Variants in SH3BP4 observed in about 807,000 individuals in gnomAD.
SH3BP4 encodes the protein SH3 domain-binding protein 4.
In SH3BP4, 33 loss-of-function variants were observed where a neutral mutation model predicts 65.5. The ratio of observed to expected loss-of-function variants is 0.50; its 90% CI spans 0.38 to 0.67. The LOEUF is 0.67. Among genes scored for constraint, SH3BP4 ranks in the 30% least tolerant of loss-of-function variants. SH3BP4 has a pLI of 0.00. For synonymous variants in SH3BP4, 552 were observed against 545.5 expected, an observed-to-expected ratio of 1.01 and a Z score of -0.17; for missense variants, 1,134 against 1,261.4, an observed-to-expected ratio of 0.90 and a Z score of 1.53.
intron 2 of SH3BP4, among the ~76,000 whole-genome samples, chr2:235,005,789 C>G (rs1261236273): frequency 6.6e-6 from 1 of 152,172 alleles, no homozygotes; most frequent in Non-Finnish European, 1.5e-5. Flanking sequence ...GGGGGCAGAA[C>G]GAGAGGAGAG....
chr2:235,008,369 G>C (rs1261621188), intron 2 of SH3BP4, among the ~76,000 whole-genome samples: 2 of 152,182 alleles, frequency 1.3e-5, no homozygotes, highest in African/African-American at 4.8e-5. Flanking sequence ...GCAGGGCCCA[G>C]GAGGGCCAGA....
chr2:235,012,669 G>A (rs914970146), intron 2 of SH3BP4, among the ~76,000 whole-genome samples: 21 of 152,326 alleles, frequency 1.4e-4, no homozygotes, highest in Non-Finnish European at 1.5e-5. Flanking sequence ...AACAGCTCTT[G>A]CTATCACCCA....
At chr2:234,999,273 T>G (rs2106280675) in intron 2 of SH3BP4, among the ~76,000 whole-genome samples, 1 of 152,306 alleles carries the variant, frequency 6.6e-6, no homozygotes, top group East Asian at 1.9e-4. Context: ...ATGTTGTGAG[T>G]TCACAGGAGG....
Position 235,041,987 on chromosome 2 carries a change from T to C in SH3BP4, c.1218T>C (p.Phe406=), listed in dbSNP as rs374010802. Residue 406 remains phenylalanine (F), a synonymous_variant, in exon 4 of 6, where the codon TTT becomes TTC. Transcript: ENST00000392011. The surrounding 1 kb of genome is among the most constrained non-coding windows in gnomAD (Gnocchi z 6.0). The part of the protein sequence containing the change: ...KVSAEIKNDL[F]SKSTVGLQCL... ...CAGCCGAGATAAAAAATGACCTTTT[T>C]AGCAAAAGCACAGTGGGCCTCCAGT... 54 of 1,613,160 alleles carry C rather than the reference T, an allele frequency of 3.3e-5. No homozygotes were observed. Among genetic ancestry groups the C allele is most frequent in the Non-Finnish European group, 4.4e-5 (52 of 1,179,398 alleles).
chr2:234,971,188 A>G (rs1300893206), intron 1 of SH3BP4, among the ~76,000 whole-genome samples: 3 of 152,138 alleles, frequency 2.0e-5, no homozygotes, highest in Non-Finnish European at 2.9e-5. Context: ...GGCACCCACC[A>G]TTCCACTTTC....
chr2:235,046,075 A>G lies in SH3BP4; in HGVS notation c.2478+2828A>G, dbSNP rs1574849540. Reference sequence around the variant, plus strand: ...CCCTGGGGGCCACTGTGCTCTGTGCACCCCTGCCCTGAACACACCCAGCTC... The same window carrying G: ...CCCTGGGGGCCACTGTGCTCTGTGCGCCCCTGCCCTGAACACACCCAGCTC... On this transcript the variant is annotated intron_variant, in intron 4 of 5. Coordinates refer to ENST00000392011, the MANE Select transcript of SH3BP4 (RefSeq NM_014521.3). This position sits in a 1 kb window ranked among gnomAD's most constrained non-coding sequence, Gnocchi z 4.2. Among the ~76,000 whole-genome samples, 1 of 151,804 alleles carries G rather than the reference A, an allele frequency of 6.6e-6. No homozygotes were observed. The highest frequency in any genetic ancestry group is 6.6e-5 in the Admixed American group (1 of 15,240).
Position 234,977,344 on chromosome 2 carries a change from G to A in SH3BP4, c.-206-17959G>A, listed in dbSNP as rs931953428. Among the ~76,000 whole-genome samples, 11 of 152,156 alleles carry A rather than the reference G, an allele frequency of 7.2e-5. No homozygotes were observed. The highest frequency in any genetic ancestry group is 2.4e-4 in the African/African-American group (10 of 41,430). The stretch of plus-strand genomic sequence containing the variant: ...TGGGCCCAGGCCTCCCAGTTGGGCC[G>A]AGGCCCATCTCTTTTCCCAACAGCA... On this transcript the variant is annotated intron_variant, in intron 1 of 5. Coordinates refer to ENST00000392011, the MANE Select transcript of SH3BP4 (RefSeq NM_014521.3). This position sits in a 1 kb window ranked among gnomAD's most constrained non-coding sequence, Gnocchi z 5.1.
intron 1 of SH3BP4, among the ~76,000 whole-genome samples, chr2:234,980,664 C>CCCACAGCAGCCTTCAGGTTCG (rs1450365142): frequency 6.6e-6 from 1 of 152,234 alleles, no homozygotes; most frequent in East Asian, 1.9e-4. Flanking sequence ...AGCTCCACTT[C>CCCACAGCAGCCTTCAGGTTCG]CCACAGCAGC....
chr2:234,971,192 C>T (rs1692989871), intron 1 of SH3BP4, among the ~76,000 whole-genome samples: 1 of 152,140 alleles, frequency 6.6e-6, no homozygotes, highest in African/African-American at 2.4e-5. Context: ...CCCACCATTC[C>T]ACTTTCTGTT....
chr2:235,001,050 G>T (rs1381622033), intron 2 of SH3BP4, among the ~76,000 whole-genome samples: 1 of 152,244 alleles, frequency 6.6e-6, no homozygotes, highest in Non-Finnish European at 1.5e-5. Context: ...TCTGAGCTGG[G>T]ACGTACAACC....
At chr2:234,975,487 C>A (rs1384375888) in intron 1 of SH3BP4, among the ~76,000 whole-genome samples, 1 of 152,192 alleles carries the variant, frequency 6.6e-6, no homozygotes, top group Non-Finnish European at 1.5e-5. Context: ...AGAATCCTAC[C>A]TGCAAGACAA....
chr2:235,006,330 G>T (rs1694293623), intron 2 of SH3BP4, among the ~76,000 whole-genome samples: 1 of 152,196 alleles, frequency 6.6e-6, no homozygotes, highest in Admixed American at 6.5e-5. Flanking sequence ...TGCTGCCCCA[G>T]GGGGTATCAT....
chr2:235,021,064 G>T (rs1694834043), intron 2 of SH3BP4, among the ~76,000 whole-genome samples: 2 of 152,108 alleles, frequency 1.3e-5, no homozygotes, highest in Non-Finnish European at 2.9e-5. Context: ...CTGAGTCTTT[G>T]TGACAGAGAA....
intron 4 of SH3BP4, among the ~76,000 whole-genome samples, chr2:235,047,749 C>T (rs1695915206): frequency 6.6e-6 from 1 of 152,154 alleles, no homozygotes; most frequent in African/African-American, 2.4e-5. Context: ...GGTCCTGGAT[C>T]CACCATAAGA....
Position 235,041,808 on chromosome 2 carries a change from G to T in SH3BP4, c.1039G>T (p.Ala347Ser). The T allele has an allele frequency of 6.3e-7, 1 of 1,593,354 alleles. No individual in the cohort carries two copies. Among genetic ancestry groups the T allele is most frequent in the Non-Finnish European group, 8.6e-7 (1 of 1,168,272 alleles). Residue 347 changes from alanine to serine, a missense_variant, in exon 4 of 6, where the codon GCC becomes TCC. Coordinates refer to ENST00000392011, the MANE Select transcript of SH3BP4 (RefSeq NM_014521.3). The surrounding 1 kb of genome is among the most constrained non-coding windows in gnomAD (Gnocchi z 6.0). ...CATCCACGTGCCCGAGGGCCACGTC[G>T]CCCCTGGGGAGACCCAGCAGATCTC... ...ISIHVPEGHVAPGETQQISMK... is the reference protein window; with the variant it reads ...ISIHVPEGHVSPGETQQISMK...
chr2:235,033,640 G>T lies in SH3BP4; in HGVS notation c.-132-1231G>T, dbSNP rs1206594450. ...GGTGACAGTGGCTGAGACTTGGCAG[G>T]GTTAAATATTGAACACAAGATGGTC... On this transcript the variant is annotated intron_variant, in intron 2 of 5. Transcript: ENST00000392011. This position sits in a 1 kb window ranked among gnomAD's most constrained non-coding sequence, Gnocchi z 5.7. Among the ~76,000 whole-genome samples, 1 of 152,194 alleles carries T rather than the reference G, an allele frequency of 6.6e-6. No individual in the cohort carries two copies. Among genetic ancestry groups the T allele is most frequent in the Non-Finnish European group, 1.5e-5 (1 of 68,034 alleles).
intron 2 of SH3BP4, among the ~76,000 whole-genome samples, chr2:234,998,731 G>T (rs1435910543): frequency 1.3e-5 from 2 of 152,162 alleles, no homozygotes; most frequent in Non-Finnish European, 2.9e-5. Context: ...CCCTGCCCCC[G>T]CCTCTGGCTA....
chr2:234,952,026 G>T lies in SH3BP4; in HGVS notation c.-351G>T, dbSNP rs1055715404. Reference sequence around the variant, plus strand: ...GCCGAGGCGGGGGCCCAGCGCGCCCGGCACTCTCGGCGGTCCGGGCCCCTC... The same window carrying T: ...GCCGAGGCGGGGGCCCAGCGCGCCCTGCACTCTCGGCGGTCCGGGCCCCTC... On this transcript the variant is annotated 5_prime_UTR_variant, in exon 1 of 6. Coordinates refer to ENST00000392011, the MANE Select transcript of SH3BP4 (RefSeq NM_014521.3). The surrounding 1 kb of genome is among the most constrained non-coding windows in gnomAD (Gnocchi z 6.5). 1 of 145,364 alleles carries T rather than the reference G, an allele frequency of 6.9e-6. No individual in the cohort carries two copies. Among genetic ancestry groups the T allele is most frequent in the East Asian group, 2.0e-4 (1 of 4,916 alleles). The allele number at this position is 145,364 out of a possible 1,614,324, so 9.0% of individuals were successfully genotyped here. A position where few individuals can be genotyped will look rare whatever the true frequency, so the allele number is the denominator to read the frequency against.
chr2:235,040,842 C>T, intron 3 of SH3BP4, 46 bp from the exon 4 acceptor site: 1 of 1,553,340 alleles, frequency 6.4e-7, no homozygotes, highest in Non-Finnish European at 8.8e-7. Flanking sequence ...TCCGGACACC[C>T]CGCCGGCCTT....
Sources: allele counts gnomAD v4.1 joint callset (sites outside exome capture counted in the v4.1 genomes callset), GRCh38; gene constraint gnomAD v4.1.1; non-coding constraint Gnocchi (gnomAD v3.1); transcripts MANE v1.5; gene names NCBI Gene and HGNC (gene_info 2026-07-23, HGNC 2026-07-21).